The following SCNN1B variants were observed in gnomAD, a reference collection of about 807,000 sequenced individuals.
SCNN1B encodes the protein sodium channel epithelial 1 subunit beta.
A neutral mutation model predicts 65.3 loss-of-function variants in SCNN1B; 46 were observed. That is an observed-to-expected ratio of 0.70 (90% confidence interval 0.56 to 0.90). SCNN1B has a LOEUF of 0.90. Ranked by LOEUF, SCNN1B falls within the 40% of genes least tolerant of loss-of-function variation. The pLI is 0.00. For missense variants in SCNN1B, 751 were observed against 830.5 expected, an observed-to-expected ratio of 0.90 and a Z score of 1.18; for synonymous variants, 349 against 330.6, an observed-to-expected ratio of 1.06 and a Z score of -0.60.
rs917203825 is a variant in SCNN1B, at chr16:23,304,008, G to T, written c.-9+1571G>T. 16 of 1,375,462 alleles carry T rather than the reference G, an allele frequency of 1.2e-5. No individual in the cohort carries two copies. In the African/African-American group the frequency reaches 2.2e-4, roughly 18 times the overall value. The allele number at this position is 1,375,462 out of a possible 1,614,324, so 85.2% of individuals were successfully genotyped here. A position where few individuals can be genotyped will look rare whatever the true frequency, so the allele number is the denominator to read the frequency against. Reference sequence around the variant, plus strand: ...CTCATCACCAGTTATCCATGCTGCTGCATATAAACCCAGCTTATTTATTTA... The same window carrying T: ...CTCATCACCAGTTATCCATGCTGCTTCATATAAACCCAGCTTATTTATTTA... On this transcript the variant is annotated intron_variant, in intron 1 of 12. Transcript: ENST00000343070.
rs926390072 is a variant in SCNN1B at position 23,348,507 on chromosome 16, C to T, written c.-8-85C>T. Reference sequence around the variant, plus strand: ...AGGGAGGAAGAACGGGGACGTACCGCCGCCCAGTTCCTGGACGTGACTGGG... The same window carrying T: ...AGGGAGGAAGAACGGGGACGTACCGTCGCCCAGTTCCTGGACGTGACTGGG... On this transcript the variant is annotated intron_variant, in intron 1 of 12. Transcript: ENST00000343070. This position sits in a 1 kb window ranked among gnomAD's most constrained non-coding sequence, Gnocchi z 4.5. 7 of 1,326,242 alleles carry T rather than the reference C, an allele frequency of 5.3e-6. No homozygotes were observed. The highest frequency in any genetic ancestry group is 3.2e-6 in the Non-Finnish European group (3 of 942,560). 82.2% of individuals were successfully genotyped at this position (1,326,242 alleles called of 1,614,324 possible). A position where few individuals can be genotyped will look rare whatever the true frequency, so the allele number is the denominator to read the frequency against.
At chr16:23,350,343 A>G (rs546240730) in intron 2 of SCNN1B, among the ~76,000 whole-genome samples, 21 of 152,242 alleles carry the variant, frequency 1.4e-4, no homozygotes, top group Middle Eastern at 3.4e-3. Flanking sequence ...CTTTTTAACC[A>G]TTCTTCCGGA....
At chr16:23,303,412 T>C (rs184464472) in intron 1 of SCNN1B, among the ~76,000 whole-genome samples, 1 of 152,194 alleles carries the variant, frequency 6.6e-6, no homozygotes, top group African/African-American at 2.4e-5. Context: ...GATCCCAGCA[T>C]CCGTGAGTGA....
At chr16:23,372,516 ATGGAGTCTCACTC>A (rs1962805897) in intron 7 of SCNN1B, among the ~76,000 whole-genome samples, 1 of 142,500 alleles carries the variant, frequency 7.0e-6, no homozygotes, top group African/African-American at 2.6e-5. Context: ...TTTTTTTGAG[ATGGAGTCTCACTC>A]TGTCACCCAG....
At chr16:23,353,959 G>A (rs1962365130) in intron 3 of SCNN1B, among the ~76,000 whole-genome samples, 1 of 152,194 alleles carries the variant, frequency 6.6e-6, no homozygotes, top group South Asian at 2.1e-4. Flanking sequence ...CCAGGCCCAG[G>A]AATCTGTATT....
intron 1 of SCNN1B, among the ~76,000 whole-genome samples, chr16:23,322,208 T>A (rs371697590): frequency 2.6e-5 from 4 of 152,164 alleles, no homozygotes; most frequent in African/African-American, 9.7e-5. Context: ...CACATTTAAG[T>A]GCCTACAGTG....
chr16:23,354,929 G>A (rs1057327994), intron 3 of SCNN1B, among the ~76,000 whole-genome samples: 10 of 152,164 alleles, frequency 6.6e-5, no homozygotes, highest in African/African-American at 2.4e-4. Context: ...GCTGTAAACT[G>A]AGCCACTGAG....
At chr16:23,317,530 G>C (rs1476725036) in intron 1 of SCNN1B, among the ~76,000 whole-genome samples, 1 of 152,162 alleles carries the variant, frequency 6.6e-6, no homozygotes. Context: ...ACAGGGTCGA[G>C]AGTTCAGAGC....
intron 1 of SCNN1B, among the ~76,000 whole-genome samples, chr16:23,307,565 C>G (rs76620103): frequency 0.15 from 22,122 of 152,080 alleles, 2,236 homozygotes; most frequent in East Asian, 0.29. Flanking sequence ...GGTGATCTGC[C>G]CACCTCGGAC....
chr16:23,372,253 A>T (rs1031556401), intron 7 of SCNN1B: 1 of 346,220 alleles, frequency 2.9e-6, no homozygotes, highest in Non-Finnish European at 5.6e-6. Context: ...TTAATCTTTC[A>T]ACTGCCTCCT....
chr16:23,366,419 C>T (rs970614122), intron 4 of SCNN1B, among the ~76,000 whole-genome samples: 3 of 151,940 alleles, frequency 2.0e-5, no homozygotes, highest in African/African-American at 4.8e-5. Flanking sequence ...GGTCTCAATT[C>T]GTTGGCCAGG....
At chr16:23,378,595 G>A (rs533164540) in intron 10 of SCNN1B, 111 bp from the exon 11 acceptor site, 97 of 918,502 alleles carry the variant, frequency 1.1e-4, no homozygotes, top group South Asian at 1.9e-4. Flanking sequence ...TGATTCCCCC[G>A]GGGGCCTCAG....
At chr16:23,363,614 A>G (rs1035256496) in intron 4 of SCNN1B, among the ~76,000 whole-genome samples, 5 of 152,092 alleles carry the variant, frequency 3.3e-5, no homozygotes, top group Non-Finnish European at 5.9e-5. Context: ...GGAGTTCAAG[A>G]CCAGCCTGGG....
chr16:23,342,570 T>A (rs1962075338), intron 1 of SCNN1B, among the ~76,000 whole-genome samples: 1 of 152,056 alleles, frequency 6.6e-6, no homozygotes, highest in South Asian at 2.1e-4. Flanking sequence ...CTATTAGGGG[T>A]GTCCAATCTT....
At chr16:23,278,759 C>G (rs1416425207) in intron 1 of SCNN1B, among the ~76,000 whole-genome samples, 2 of 151,684 alleles carry the variant, frequency 1.3e-5, no homozygotes, top group African/African-American at 4.8e-5. Context: ...AGTGACCCCC[C>G]CACCCCTCAC....
chr16:23,290,166 T>A (rs1021952088), intron 2 of SCNN1B, among the ~76,000 whole-genome samples: 1 of 152,120 alleles, frequency 6.6e-6, no homozygotes, highest in Non-Finnish European at 1.5e-5. Flanking sequence ...ATTGTGAGGA[T>A]TAAGAGAGTT....
At chr16:23,307,813 G>T (rs1443252896) in intron 1 of SCNN1B, among the ~76,000 whole-genome samples, 3 of 152,324 alleles carry the variant, frequency 2.0e-5, no homozygotes, top group South Asian at 2.1e-4. Flanking sequence ...TGCTTGCAAG[G>T]CTGAGGCAGG....
chr16:23,343,618 A>G (rs537884522), intron 1 of SCNN1B, among the ~76,000 whole-genome samples: 3 of 130,262 alleles, frequency 2.3e-5, no homozygotes, highest in African/African-American at 9.2e-5. Flanking sequence ...AAAGAAAGAA[A>G]GAAAGAAAGA....
chr16:23,365,147 T>C (rs1222404031), intron 4 of SCNN1B, among the ~76,000 whole-genome samples: 1 of 148,892 alleles, frequency 6.7e-6, no homozygotes, highest in Non-Finnish European at 1.5e-5. Flanking sequence ...AAAAAAATAG[T>C]TGGGCGTGAT....
Sources: gnomAD v4.1 joint callset for allele counts (sites outside exome capture counted in the v4.1 genomes callset) on GRCh38, gnomAD v4.1.1 for gene constraint, Gnocchi (gnomAD v3.1) non-coding constraint, MANE v1.5 for transcripts, NCBI Gene and HGNC (gene_info 2026-07-23, HGNC 2026-07-21) for gene names.